Variants in C5orf47 observed in about 807,000 individuals in gnomAD.
C5orf47 encodes uncharacterized protein C5orf47.
Under a neutral mutation model 20.6 loss-of-function variants are expected in C5orf47, and 20 were observed. The ratio of observed to expected loss-of-function variants is 0.97; its 90% CI spans 0.68 to 1.41. C5orf47 has a LOEUF of 1.41. Among genes scored for constraint, C5orf47 ranks in the 40% most tolerant of loss-of-function variants. C5orf47 has a pLI of 0.00. For synonymous variants in C5orf47, 106 were observed against 97.3 expected, an observed-to-expected ratio of 1.09 and a Z score of -0.53; for missense variants, 262 against 238.4, an observed-to-expected ratio of 1.10 and a Z score of -0.65.
At chr5:173,990,983 A>G (rs1561646035) in intron 1 of C5orf47, among the ~76,000 whole-genome samples, 1 of 152,202 alleles carries the variant, frequency 6.6e-6, no homozygotes, top group African/African-American at 2.4e-5. Flanking sequence ...TAACCCCAAG[A>G]GAACCCCTGT....
At chr5:173,999,292 A>T (rs1264298181) in intron 2 of C5orf47, among the ~76,000 whole-genome samples, 2 of 152,162 alleles carry the variant, frequency 1.3e-5, no homozygotes, top group African/African-American at 4.8e-5. Context: ...AGAAATACTT[A>T]ATTCTTAACT....
intron 2 of C5orf47, among the ~76,000 whole-genome samples, chr5:173,998,994 T>C (rs1759149184): frequency 6.6e-6 from 1 of 152,242 alleles, no homozygotes; most frequent in African/African-American, 2.4e-5. Context: ...TGAGAACCAG[T>C]TCCTTTTAGG....
chr5:174,009,118 C>A (rs890316606), downstream of C5orf47, among the ~76,000 whole-genome samples: 1 of 152,058 alleles, frequency 6.6e-6, no homozygotes, highest in East Asian at 1.9e-4. Flanking sequence ...GCTAGAAATG[C>A]CCGCTAGAAA....
chr5:174,001,292 C>T (rs963174507), intron 4 of C5orf47, 61 bp downstream of exon 4: 21 of 884,756 alleles, frequency 2.4e-5, no homozygotes, highest in Non-Finnish European at 3.2e-5. Flanking sequence ...CCTTCTGTAT[C>T]CTCCCTTCTC....
intron 1 of C5orf47, among the ~76,000 whole-genome samples, chr5:173,992,840 G>A (rs1285004566): frequency 6.6e-6 from 1 of 152,144 alleles, no homozygotes; most frequent in Non-Finnish European, 1.5e-5. Context: ...TTTTATGGAT[G>A]TTACTGGTAT....
rs766551344 is a variant in C5orf47, at chr5:174,004,960, A to G, written c.*706A>G. On this transcript the variant is annotated 3_prime_UTR_variant, in exon 5 of 5. Transcript: ENST00000340147. ...TAAGTAATACATTATTTTTAAGTCA[A>G]TGAATGAGAGGATTAGAATTCTGAA... The G allele has an allele frequency of 1.3e-5, 2 of 152,184 alleles. No homozygotes were observed. Among genetic ancestry groups the G allele is most frequent in the Non-Finnish European group, 2.9e-5 (2 of 68,030 alleles). 9.4% of individuals were successfully genotyped at this position (152,184 alleles called of 1,614,324 possible).
At position 174,004,356 on chromosome 5, in the gene C5orf47, T is replaced by C. The variant is rs747913686; in HGVS notation, c.*102T>C. The C allele has an allele frequency of 2.0e-5, 3 of 152,222 alleles. No homozygotes were observed. The highest frequency in any genetic ancestry group is 4.4e-5 in the Non-Finnish European group (3 of 68,010). The allele number at this position is 152,222 out of a possible 1,614,324, so 9.4% of individuals were successfully genotyped here. On this transcript the variant is annotated 3_prime_UTR_variant, in exon 5 of 5. Coordinates refer to ENST00000340147, the MANE Select transcript of C5orf47 (RefSeq NM_001144954.2). ...TAAATGAATCATAATTATTTGTTAA[T>C]TTTGATGTGTTTTATTAGAATTGGG...
At chr5:173,992,936 T>A (rs567433774) in intron 1 of C5orf47, among the ~76,000 whole-genome samples, 1 of 152,344 alleles carries the variant, frequency 6.6e-6, no homozygotes, top group East Asian at 1.9e-4. Flanking sequence ...TAAATCATGC[T>A]TGCCCCTTTA....
chr5:173,992,793 T>A (rs1759021878), intron 1 of C5orf47, among the ~76,000 whole-genome samples: 1 of 152,200 alleles, frequency 6.6e-6, no homozygotes, highest in East Asian at 1.9e-4. Context: ...AACTCTAGGT[T>A]TATTGTGATC....
At chr5:173,990,590 A>G (rs1758975988) in intron 1 of C5orf47, among the ~76,000 whole-genome samples, 1 of 151,882 alleles carries the variant, frequency 6.6e-6, no homozygotes, top group African/African-American at 2.4e-5. Flanking sequence ...ACCTGCCACC[A>G]ATGCCCAGCT....
Position 173,989,437 on chromosome 5 carries a change from G to T in C5orf47, c.174G>T (p.Met58Ile), listed in dbSNP as rs1026426409. 11 of 1,549,476 alleles carry T rather than the reference G, an allele frequency of 7.1e-6. No individual in the cohort carries two copies. The highest frequency in any genetic ancestry group is 7.9e-6 in the Non-Finnish European group (9 of 1,146,020). Reference protein sequence around the residue: ...GCRQEKPREAMAVAGVQGGSE... With the variant: ...GCRQEKPREAIAVAGVQGGSE... The stretch of plus-strand genomic sequence containing the variant: ...GCCAGGAGAAGCCGAGGGAAGCAAT[G>T]GCGGTGGCGGGCGTTCAGGGTGGCA... Residue 58 changes from methionine to isoleucine, a missense_variant, in exon 1 of 5, where the codon ATG becomes ATT. Coordinates refer to ENST00000340147, the MANE Select transcript of C5orf47 (RefSeq NM_001144954.2).
chr5:174,002,687 A>G (rs1175732958), intron 4 of C5orf47, among the ~76,000 whole-genome samples: 2 of 152,146 alleles, frequency 1.3e-5, no homozygotes. Flanking sequence ...CAAAGTCAGG[A>G]AATTGAACAT....
chr5:174,001,240 T>A lies in C5orf47; in HGVS notation c.*16+9T>A. ...AATCTTCTTATCTTCTGGTAAGAAT[T>A]TATTTACGTAATAATTATGGAATAT... On this transcript the variant is annotated intron_variant, in intron 4 of 4. Transcript: ENST00000340147. The A allele has an allele frequency of 7.3e-7, 1 of 1,368,780 alleles. No homozygotes were observed. Among genetic ancestry groups the A allele is most frequent in the Non-Finnish European group, 1.0e-6 (1 of 986,502 alleles). 84.8% of individuals were successfully genotyped at this position (1,368,780 alleles called of 1,614,324 possible). A position where few individuals can be genotyped will look rare whatever the true frequency, so the allele number is the denominator to read the frequency against.
chr5:173,994,917 G>A (rs904459480), intron 1 of C5orf47, among the ~76,000 whole-genome samples: 1 of 152,028 alleles, frequency 6.6e-6, no homozygotes, highest in African/African-American at 2.4e-5. Context: ...AGGTTCAAGT[G>A]ATTCTCCTGC....
chr5:174,007,039 G>T (rs1264957052), downstream of C5orf47, among the ~76,000 whole-genome samples: 1 of 151,806 alleles, frequency 6.6e-6, no homozygotes, highest in Non-Finnish European at 1.5e-5. Flanking sequence ...CTGCACCAGA[G>T]ATAGCCTGAG....
rs747606752 is a variant in C5orf47 at position 173,989,570 on chromosome 5, A to G, written c.307A>G (p.Arg103Gly). ...GGCATCGAGAGTTCAGAGCGGCACC[A>G]GACAGTCGGCGCGTGCAGGTGGTGC... The part of the protein sequence containing the change: ...LRASRVQSGT[R>G]QSARAGLIQK... The change falls in exon 1 of 5, where the codon AGA becomes GGA. Residue 103 changes from arginine (R) to glycine (G), a missense_variant. Transcript: ENST00000340147. The G allele has an allele frequency of 2.7e-6, 4 of 1,475,198 alleles. No individual in the cohort carries two copies. The South Asian group carries it at 5.3e-5, about 20-fold the overall frequency. The allele number at this position is 1,475,198 out of a possible 1,614,324, so 91.4% of individuals were successfully genotyped here.
chr5:174,006,716 G>A (rs1257082541), downstream of C5orf47, among the ~76,000 whole-genome samples: 3 of 152,172 alleles, frequency 2.0e-5, no homozygotes, highest in Non-Finnish European at 2.9e-5. Context: ...CACTAGTGCA[G>A]CATTTTATTT....
chr5:173,989,852 C>T (rs1394750250), intron 1 of C5orf47, among the ~76,000 whole-genome samples: 2 of 152,292 alleles, frequency 1.3e-5, no homozygotes, highest in East Asian at 3.9e-4. Context: ...TTTTGGCCTG[C>T]GTGTTTCCGT....
chr5:174,006,162 A>T (rs142607686), downstream of C5orf47: 29 of 152,464 alleles, frequency 1.9e-4, no homozygotes, highest in East Asian at 5.4e-3. Context: ...CCTTCTCTTC[A>T]TCTCCAGCCC....
Sources: allele counts gnomAD v4.1 joint callset (sites outside exome capture counted in the v4.1 genomes callset), GRCh38; gene constraint gnomAD v4.1.1; transcripts MANE v1.5; gene names NCBI Gene and HGNC (gene_info 2026-07-23, HGNC 2026-07-21).